FAM193A: variants seen among roughly 807,000 people sequenced by gnomAD.
The protein encoded by FAM193A is protein FAM193A.
In FAM193A, 22 loss-of-function variants were observed where a neutral mutation model predicts 126.5. The ratio of observed to expected loss-of-function variants is 0.17; its 90% CI spans 0.12 to 0.25. The LOEUF (loss-of-function observed/expected upper bound fraction) is 0.25, where lower values mean the gene tolerates loss of function less well. FAM193A is among the 10% of genes least tolerant of loss of function. The probability of loss-of-function intolerance (pLI) is 1.00; values close to 1 mark genes in which losing one functional copy is unlikely to be tolerated. For missense variants in FAM193A, 1,675 were observed against 1,672.8 expected, an observed-to-expected ratio of 1.00 and a Z score of -0.02; for synonymous variants, 761 against 646.8, an observed-to-expected ratio of 1.18 and a Z score of -2.68.
At chr4:2,707,481 T>C (rs1240668604) in intron 19 of FAM193A, among the ~76,000 whole-genome samples, 3 of 152,138 alleles carry the variant, frequency 2.0e-5, no homozygotes, top group African/African-American at 7.2e-5. Flanking sequence ...AGAAGTGTTA[T>C]AAGTGTAAAA....
At chr4:2,656,519 G>A (rs902204164) in intron 7 of FAM193A, among the ~76,000 whole-genome samples, 3 of 152,202 alleles carry the variant, frequency 2.0e-5, no homozygotes, top group Admixed American at 1.3e-4. Flanking sequence ...CGTTCCTGTG[G>A]TGCTCATGGC....
intron 1 of FAM193A, 89 bp from the exon 2 acceptor site, chr4:2,595,995 C>G: frequency 1.6e-6 from 1 of 612,368 alleles, no homozygotes; most frequent in East Asian, 2.7e-5. Flanking sequence ...CATACACATG[C>G]ATTTTAGTTT....
At chr4:2,630,210 T>G (rs1256495406) in intron 4 of FAM193A, among the ~76,000 whole-genome samples, 2 of 151,600 alleles carry the variant, frequency 1.3e-5, no homozygotes, top group Admixed American at 1.3e-4. Flanking sequence ...GGCCTGAAAT[T>G]CATGAAAATG....
intron 18 of FAM193A, among the ~76,000 whole-genome samples, chr4:2,699,451 CA>C (rs1414564597): frequency 1.2e-4 from 11 of 93,686 alleles, no homozygotes; most frequent in Non-Finnish European, 2.4e-4. Context: ...CCCCCCCACA[CA>C]CACACACACA....
Position 2,596,331 on chromosome 4 carries a change from T to C in FAM193A, c.501+2T>C. 1 of 700,952 alleles carries C rather than the reference T, an allele frequency of 1.4e-6. No individual in the cohort carries two copies. Among genetic ancestry groups the C allele is most frequent in the Non-Finnish European group, 2.6e-6 (1 of 383,968 alleles). 43.4% of individuals were successfully genotyped at this position (700,952 alleles called of 1,614,324 possible). On this transcript the variant is annotated splice_donor_variant, in intron 2 of 20. Transcript: ENST00000637812. LOFTEE classifies it high-confidence loss of function. The stretch of plus-strand genomic sequence containing the variant: ...CATGGCGGCCTTGACCAGCCAGTGG[T>C]GAGTGGCTGCCAGCACAGGCAGCGC...
At chr4:2,692,660 C>T (rs886890210) in intron 15 of FAM193A, among the ~76,000 whole-genome samples, 1 of 152,076 alleles carries the variant, frequency 6.6e-6, no homozygotes, top group Non-Finnish European at 1.5e-5. Flanking sequence ...AGACAGGTAG[C>T]CTATTAAAAA....
At chr4:2,658,450 G>A (rs1476145363) in intron 8 of FAM193A, among the ~76,000 whole-genome samples, 1 of 152,134 alleles carries the variant, frequency 6.6e-6, no homozygotes, top group Non-Finnish European at 1.5e-5. Flanking sequence ...TGCTAGTGAT[G>A]TCCTGTATCT....
intron 12 of FAM193A, among the ~76,000 whole-genome samples, chr4:2,669,602 C>T (rs940791505): frequency 2.0e-5 from 3 of 152,164 alleles, no homozygotes; most frequent in Non-Finnish European, 1.5e-5. Flanking sequence ...AGTGAGACTC[C>T]GTCTCAACAA....
At chr4:2,625,563 C>T (rs576990760) in intron 3 of FAM193A, 168 bp downstream of exon 3, 100 of 454,672 alleles carry the variant, frequency 2.2e-4, no homozygotes, top group Admixed American at 4.3e-4. Context: ...AAAACTGTTG[C>T]TCTTGAGGAA....
chr4:2,625,322 G>A lies in FAM193A; in HGVS notation c.562G>A (p.Gly188Arg), dbSNP rs1204219521. The change falls in exon 3 of 21, where the codon GGG (glycine) becomes AGG (arginine). Residue 188 changes from glycine (G) to arginine (R), a missense_variant. Physicochemically the swap from Gly to Arg is moderately radical, Grantham distance 125 (BLOSUM62 -2). This residue lies in a region of FAM193A where 1,186 missense variants were observed against 1,109.2 expected (regional missense o/e 1.07). Coordinates refer to ENST00000637812, the MANE Select transcript of FAM193A (RefSeq NM_001366318.2). ...GGSQPEAGSGGRLALGAQTLP... is the reference protein window; with the variant it reads ...GGSQPEAGSGRRLALGAQTLP... ...CTCCCAGCCAGAGGCCGGCAGTGGT[G>A]GGAGGCTCGCTCTGGGTGCACAGAC... is the stretch of plus-strand genomic sequence containing the variant. The A allele has an allele frequency of 7.1e-6, 5 of 702,930 alleles. No homozygotes were observed. The highest frequency in any genetic ancestry group is 1.3e-5 in the Non-Finnish European group (5 of 384,990). 43.5% of individuals were successfully genotyped at this position (702,930 alleles called of 1,614,324 possible). A position where few individuals can be genotyped will look rare whatever the true frequency, so the allele number is the denominator to read the frequency against.
Position 2,690,731 on chromosome 4 carries a change from C to G in FAM193A, c.2564C>G (p.Thr855Arg). ...SEILGPTLSE[T>R]RPEALPPPSS... The stretch of plus-strand genomic sequence containing the variant: ...ATATTAGGGCCAACACTCTCAGAAA[C>G]AAGACCGGAAGCCCTTCCACCTCCA... Residue 855 changes from threonine (T) to arginine (R), a missense_variant, in exon 15 of 21, where the codon ACA (threonine) becomes AGA (arginine). By Grantham distance (71) the Thr-to-Arg change is moderately conservative. Transcript: ENST00000637812. The G allele has an allele frequency of 1.9e-6, 3 of 1,613,720 alleles. No individual in the cohort carries two copies. The highest frequency in any genetic ancestry group is 1.7e-5 in the Admixed American group (1 of 59,882).
At chr4:2,663,492 A>G (rs540501311) in intron 12 of FAM193A, among the ~76,000 whole-genome samples, 5 of 152,260 alleles carry the variant, frequency 3.3e-5, no homozygotes, top group Non-Finnish European at 7.4e-5. Flanking sequence ...AACACCCCAT[A>G]GCAGCTCTGT....
chr4:2,612,127 C>T (rs988507816), intron 2 of FAM193A, among the ~76,000 whole-genome samples: 11 of 151,812 alleles, frequency 7.2e-5, no homozygotes, highest in African/African-American at 1.4e-4. Flanking sequence ...TGAGCCACCG[C>T]GCCCGGCTCC....
chr4:2,625,761 C>G (rs1172196543), intron 3 of FAM193A, among the ~76,000 whole-genome samples: 1 of 131,420 alleles, frequency 7.6e-6, no homozygotes, highest in Non-Finnish European at 1.5e-5. Flanking sequence ...GGGTCTGGCT[C>G]TGTCCCCCAG....
chr4:2,710,503 T>C (rs1003397229), intron 19 of FAM193A, among the ~76,000 whole-genome samples: 3 of 151,422 alleles, frequency 2.0e-5, no homozygotes, highest in African/African-American at 7.3e-5. Context: ...TTTCTTTCTT[T>C]TTTATTTTTT....
intron 13 of FAM193A, among the ~76,000 whole-genome samples, chr4:2,672,878 ACG>A (rs1397696020): frequency 6.6e-6 from 1 of 152,170 alleles, no homozygotes; most frequent in African/African-American, 2.4e-5. Flanking sequence ...GAAAACTATA[ACG>A]CCCTGCAGGT....
rs748211254 is a variant in FAM193A at position 2,693,582 on chromosome 4, G to C, written c.2804-4G>C. 2 of 1,606,198 alleles carry C rather than the reference G, an allele frequency of 1.2e-6. No homozygotes were observed. Among genetic ancestry groups the C allele is most frequent in the Non-Finnish European group, 1.7e-6 (2 of 1,174,124 alleles). The stretch of plus-strand genomic sequence containing the variant: ...GGCAGTGACTCTCGCCTCTCTAAAT[G>C]CAGGTGACGTGTTTCATGGCATCAG... On this transcript the variant is annotated splice_polypyrimidine_tract_variant and splice_region_variant and intron_variant, in intron 15 of 20. Transcript: ENST00000637812.
intron 20 of FAM193A, among the ~76,000 whole-genome samples, chr4:2,726,210 T>G (rs1281102024): frequency 6.6e-6 from 1 of 152,118 alleles, no homozygotes; most frequent in Non-Finnish European, 1.5e-5. Context: ...CAGCTAATTT[T>G]TAAAATGTTT....
At chr4:2,611,142 C>T (rs1301852240) in intron 2 of FAM193A, among the ~76,000 whole-genome samples, 1 of 152,136 alleles carries the variant, frequency 6.6e-6, no homozygotes, top group African/African-American at 2.4e-5. Flanking sequence ...TCTGCAGCCA[C>T]GTATGAGAGG....
Sources: gnomAD v4.1 joint callset for allele counts (sites outside exome capture counted in the v4.1 genomes callset) on GRCh38, gnomAD v4.1.1 for gene constraint, gnomAD v4.1.1 regional missense constraint, MANE v1.5 for transcripts, NCBI Gene and HGNC (gene_info 2026-07-23, HGNC 2026-07-21) for gene names.